Variants in PDE7A observed in about 807,000 individuals in gnomAD.
PDE7A encodes high affinity 3',5'-cyclic-AMP phosphodiesterase 7A.
Under a neutral mutation model 64.3 loss-of-function variants are expected in PDE7A, and 39 were observed. The observed-to-expected ratio is 0.61, with a 90% confidence interval of 0.47 to 0.79. The LOEUF (loss-of-function observed/expected upper bound fraction) is 0.79. PDE7A is among the 30% of genes least tolerant of loss of function. PDE7A has a pLI of 0.00. For missense variants in PDE7A, 470 were observed against 582.8 expected, an observed-to-expected ratio of 0.81 and a Z score of 1.99; for synonymous variants, 203 against 206.8, an observed-to-expected ratio of 0.98 and a Z score of 0.16.
chr8:65,755,833 G>C (rs1415904573), intron 3 of PDE7A, among the ~76,000 whole-genome samples: 1 of 152,066 alleles, frequency 6.6e-6, no homozygotes, highest in African/African-American at 2.4e-5. Context: ...ATGTCGCCTA[G>C]GCTGGCCTTG....
rs869132666 is a variant in PDE7A at position 65,715,379 on chromosome 8, GTT to G, written c.*3909_*3910del. 1.1e-4 allele frequency among the ~76,000 whole-genome samples: 14 copies of G among 133,332 alleles called. No homozygotes were observed. The highest frequency in any genetic ancestry group is 2.3e-4 in the East Asian group (1 of 4,432). 87.5% of individuals were successfully genotyped at this position (133,332 alleles called of 152,430 possible). On this transcript the variant is annotated 3_prime_UTR_variant, in exon 13 of 13. Transcript: ENST00000401827. ...AGAGAGACCCTGTCTCTATAAAAAA[GTT>G]TTTTTTTTTTTTTTGAGACAGAGTC...
At chr8:65,810,968 C>T (rs1810246500) in intron 1 of PDE7A, among the ~76,000 whole-genome samples, 1 of 151,844 alleles carries the variant, frequency 6.6e-6, no homozygotes, top group South Asian at 2.1e-4. Context: ...AGGTAGAAAA[C>T]ATAATGAGGG....
At chr8:65,762,839 A>G (rs1563494673) in intron 3 of PDE7A, among the ~76,000 whole-genome samples, 1 of 152,180 alleles carries the variant, frequency 6.6e-6, no homozygotes, top group Admixed American at 6.5e-5. Context: ...TCTCATTACC[A>G]TAAAACAAGT....
intron 1 of PDE7A, among the ~76,000 whole-genome samples, chr8:65,836,165 T>G (rs776477174): frequency 9.2e-5 from 14 of 152,368 alleles, no homozygotes; most frequent in Middle Eastern, 3.4e-3. Context: ...CACTAGTCCC[T>G]GTATCAGCTT....
rs1355176214 is a variant in PDE7A at position 65,716,057 on chromosome 8, C to T, written c.*3233G>A. ...GGGTGGTGTGGTGGCACTCAGGAGGCTGAGGTGGGAGGATTGCTTGAGCCT... is the reference window on the plus strand; with the variant it reads ...GGGTGGTGTGGTGGCACTCAGGAGGTTGAGGTGGGAGGATTGCTTGAGCCT... On this transcript the variant is annotated 3_prime_UTR_variant, in exon 13 of 13. Coordinates refer to ENST00000401827, the MANE Select transcript of PDE7A (RefSeq NM_001242318.3). Among the ~76,000 whole-genome samples the T allele has an allele frequency of 1.5e-5, 2 of 131,376 alleles. No homozygotes were observed. Among genetic ancestry groups the T allele is most frequent in the Non-Finnish European group, 3.1e-5 (2 of 63,740 alleles). The allele number at this position is 131,376 out of a possible 152,430, so 86.2% of individuals were successfully genotyped here.
chr8:65,759,174 T>C (rs935261148), intron 3 of PDE7A, among the ~76,000 whole-genome samples: 1 of 152,224 alleles, frequency 6.6e-6, no homozygotes, highest in African/African-American at 2.4e-5. Context: ...CTATTCCTTG[T>C]ATGTAATCAC....
At chr8:65,778,705 C>G (rs56295337) in intron 3 of PDE7A, among the ~76,000 whole-genome samples, 17,818 of 152,258 alleles carry the variant, frequency 0.12, 1,077 homozygotes, top group Middle Eastern at 0.14. Flanking sequence ...CCTGACTACT[C>G]TCTGCCTAGG....
chr8:65,825,977 G>A (rs1195744294), intron 1 of PDE7A, among the ~76,000 whole-genome samples: 3 of 152,150 alleles, frequency 2.0e-5, no homozygotes, highest in African/African-American at 7.2e-5. Flanking sequence ...CTATTTTGAA[G>A]AGGATGGTCA....
At chr8:65,781,210 C>A (rs6472222) in intron 2 of PDE7A, among the ~76,000 whole-genome samples, 64,289 of 151,836 alleles carry the variant, frequency 0.42, 17,107 homozygotes, top group African/African-American at 0.76. Flanking sequence ...CAGGGACCTA[C>A]AGGAAGTGAG....
chr8:65,720,353 A>G (rs1270401578), intron 12 of PDE7A: 1 of 154,168 alleles, frequency 6.5e-6, no homozygotes, highest in Non-Finnish European at 1.5e-5. Flanking sequence ...AAGAATGGGG[A>G]AAATATACAT....
At position 65,842,027 on chromosome 8, in the gene PDE7A, C is replaced by G. The variant is rs1348498152; in HGVS notation, c.-519G>C. ...GCTCCTCCCCTCCCCCGGAGCCTGA[C>G]TTCACTCCGCCGCCGGCGCGAGCCC... On this transcript the variant is annotated 5_prime_UTR_variant, in exon 1 of 13. Coordinates refer to ENST00000401827, the MANE Select transcript of PDE7A (RefSeq NM_001242318.3). 1 of 213,888 alleles carries G rather than the reference C, an allele frequency of 4.7e-6. No homozygotes were observed. Among genetic ancestry groups the G allele is most frequent in the East Asian group, 1.6e-4 (1 of 6,072 alleles). The allele number at this position is 213,888 out of a possible 1,614,324, so 13.2% of individuals were successfully genotyped here. A position where few individuals can be genotyped will look rare whatever the true frequency, so the allele number is the denominator to read the frequency against.
intron 12 of PDE7A, chr8:65,720,421 A>AG (rs1165620223): frequency 1.3e-5 from 2 of 154,168 alleles, no homozygotes; most frequent in African/African-American, 4.8e-5. Context: ...TTGCAGCAAA[A>AG]GACCATGTGG....
intron 1 of PDE7A, among the ~76,000 whole-genome samples, chr8:65,784,708 T>C (rs1487678335): frequency 1.3e-5 from 2 of 151,972 alleles, no homozygotes; most frequent in African/African-American, 4.8e-5. Flanking sequence ...AGGGCTAATT[T>C]TCCTCTACTA....
At chr8:65,769,247 C>CAAAAAAAAAAAAAAAAA (rs61554087) in intron 3 of PDE7A, among the ~76,000 whole-genome samples, 1 of 74,456 alleles carries the variant, frequency 1.3e-5, no homozygotes, top group Non-Finnish European at 2.6e-5. Flanking sequence ...GACTCAGTCT[C>CAAAAAAAAAAAAAAAAA]AAAAAAAAAA....
chr8:65,754,114 T>G (rs970043704), intron 3 of PDE7A, among the ~76,000 whole-genome samples: 16 of 152,134 alleles, frequency 1.1e-4, no homozygotes, highest in African/African-American at 3.9e-4. Flanking sequence ...ACTGAAGAAC[T>G]TGGGAGTCTG....
intron 7 of PDE7A, among the ~76,000 whole-genome samples, chr8:65,732,335 A>G (rs939557534): frequency 6.6e-6 from 1 of 151,922 alleles, no homozygotes; most frequent in African/African-American, 2.4e-5. Flanking sequence ...CTATTTATCT[A>G]TTTGTTTAAT....
chr8:65,832,508 T>C (rs942745844), intron 1 of PDE7A, among the ~76,000 whole-genome samples: 2 of 152,198 alleles, frequency 1.3e-5, no homozygotes, highest in African/African-American at 4.8e-5. Flanking sequence ...ACATGTAACC[T>C]TCAAGCTATA....
At chr8:65,746,277 C>CA (rs1238506705) in intron 4 of PDE7A, among the ~76,000 whole-genome samples, 1 of 151,826 alleles carries the variant, frequency 6.6e-6, no homozygotes, top group Non-Finnish European at 1.5e-5. Flanking sequence ...TAGAAACAAG[C>CA]AAAAAATAAC....
At position 65,716,693 on chromosome 8, in the gene PDE7A, AGT is replaced by A. The variant is rs1341988356; in HGVS notation, c.*2595_*2596del. ...TCTCACTGTAAATTAAAATATTGAT[AGT>A]GTTTTAAAAAAATAGTTACTGTGAG... On this transcript the variant is annotated 3_prime_UTR_variant, in exon 13 of 13. Coordinates refer to ENST00000401827, the MANE Select transcript of PDE7A (RefSeq NM_001242318.3). Among the ~76,000 whole-genome samples, 2 of 152,216 alleles carry A rather than the reference AGT, an allele frequency of 1.3e-5. No homozygotes were observed. The highest frequency in any genetic ancestry group is 2.4e-5 in the African/African-American group (1 of 41,452).
Sources: gnomAD v4.1 joint callset for allele counts (sites outside exome capture counted in the v4.1 genomes callset) on GRCh38, gnomAD v4.1.1 for gene constraint, MANE v1.5 for transcripts, NCBI Gene and HGNC (gene_info 2026-07-23, HGNC 2026-07-21) for gene names.